Variants in EPHA5 observed in about 807,000 individuals in gnomAD.
EPHA5 encodes the protein EPH receptor A5.
EPHA5 carries 60 observed loss-of-function variants against 105.0 expected under a neutral mutation model. That is an observed-to-expected ratio of 0.57 (90% CI 0.46 to 0.71). EPHA5 has a LOEUF of 0.71. EPHA5 is among the 30% of genes least tolerant of loss of function. The probability of loss-of-function intolerance (pLI) is 0.00; values close to 1 mark genes in which losing one functional copy is unlikely to be tolerated. For missense variants in EPHA5, 1,218 were observed against 1,274.7 expected (o/e 0.96, Z 0.68); for synonymous variants, 513 against 449.1 (o/e 1.14, Z -1.80).
At chr4:65,348,701 A>G (rs1722488633) in intron 13 of EPHA5, among the ~76,000 whole-genome samples, 1 of 111,822 alleles carries the variant, frequency 8.9e-6, no homozygotes, top group Non-Finnish European at 1.8e-5. Context: ...TATATATAAA[A>G]TATATATGTG....
chr4:65,505,061 A>C (rs940384911), intron 3 of EPHA5, among the ~76,000 whole-genome samples: 2 of 152,050 alleles, frequency 1.3e-5, no homozygotes, highest in Non-Finnish European at 2.9e-5. Context: ...TATGTGCAAA[A>C]CATTTTAAGT....
intron 8 of EPHA5, among the ~76,000 whole-genome samples, chr4:65,386,127 G>A (rs914473465): frequency 2.0e-5 from 3 of 151,740 alleles, no homozygotes; most frequent in Non-Finnish European, 4.4e-5. Flanking sequence ...AAACACAAAA[G>A]TTGACACTTT....
intron 1 of EPHA5, among the ~76,000 whole-genome samples, chr4:65,652,369 G>A (rs2149530954): frequency 6.6e-6 from 1 of 152,238 alleles, no homozygotes; most frequent in African/African-American, 2.4e-5. Context: ...TGTAACATCA[G>A]TGACTGAAAC....
chr4:65,562,656 T>C (rs776498398), intron 3 of EPHA5, among the ~76,000 whole-genome samples: 3 of 152,076 alleles, frequency 2.0e-5, no homozygotes, highest in Admixed American at 6.6e-5. Flanking sequence ...CTTGACATTC[T>C]GAAAGTTAGT....
intron 6 of EPHA5, among the ~76,000 whole-genome samples, chr4:65,418,937 G>A (rs186505461): frequency 4.1e-5 from 5 of 121,292 alleles, no homozygotes; most frequent in South Asian, 2.7e-4. Flanking sequence ...AGACTGGAGT[G>A]CAATGGTGCG....
At chr4:65,530,344 A>G (rs1735647139) in intron 3 of EPHA5, among the ~76,000 whole-genome samples, 1 of 152,142 alleles carries the variant, frequency 6.6e-6, no homozygotes, top group South Asian at 2.1e-4. Context: ...AAAATAAGAC[A>G]AATAAACTTA....
intron 3 of EPHA5, among the ~76,000 whole-genome samples, chr4:65,529,903 A>G (rs1330165610): frequency 6.6e-6 from 1 of 152,130 alleles, no homozygotes; most frequent in Non-Finnish European, 1.5e-5. Flanking sequence ...TTAAAATAAT[A>G]TCGAAATTAT....
chr4:65,573,800 A>G (rs990672770), intron 3 of EPHA5: 2 of 1,613,848 alleles, frequency 1.2e-6, no homozygotes, highest in East Asian at 2.2e-5. Context: ...AAATGCCTAG[A>G]TATTATCCTA....
At chr4:65,640,430 C>A (rs961125308) in intron 2 of EPHA5, among the ~76,000 whole-genome samples, 2 of 151,900 alleles carry the variant, frequency 1.3e-5, no homozygotes, top group East Asian at 1.9e-4. Flanking sequence ...GGACTACAGG[C>A]GCCCACCACC....
chr4:65,326,806 AT>A (rs1174320818), intron 16 of EPHA5, among the ~76,000 whole-genome samples: 8 of 151,302 alleles, frequency 5.3e-5, no homozygotes, highest in African/African-American at 1.7e-4. Context: ...AAATTGCATA[AT>A]TCATGATTGC....
intron 11 of EPHA5, among the ~76,000 whole-genome samples, chr4:65,364,204 T>G (rs1476089006): frequency 6.6e-6 from 1 of 151,638 alleles, no homozygotes; most frequent in Non-Finnish European, 1.5e-5. Context: ...CTGAGCATGC[T>G]TCCTGGAGAT....
Position 65,670,186 on chromosome 4 carries a change from A to G in EPHA5, c.-444T>C. The G allele has an allele frequency of 4.1e-6, 1 of 242,846 alleles. No homozygotes were observed. Among genetic ancestry groups the G allele is most frequent in the Non-Finnish European group, 8.0e-6 (1 of 125,182 alleles). The allele number at this position is 242,846 out of a possible 1,614,324, so 15.0% of individuals were successfully genotyped here. On this transcript the variant is annotated 5_prime_UTR_variant, in exon 1 of 17. Transcript: ENST00000613740. ...GACGAAATCTCCGATTTTTTAAAAA[A>G]GGAGGAAAAAAGCAGGGTGGCTAAG...
chr4:65,388,251 T>C (rs1442968085), intron 8 of EPHA5, among the ~76,000 whole-genome samples: 3 of 151,242 alleles, frequency 2.0e-5, no homozygotes, highest in East Asian at 2.0e-4. Context: ...AAGTCTTTGC[T>C]ATTGTGAATA....
intron 11 of EPHA5, among the ~76,000 whole-genome samples, chr4:65,353,393 G>A (rs1336612200): frequency 2.0e-5 from 3 of 149,028 alleles, no homozygotes; most frequent in African/African-American, 7.4e-5. Context: ...ATTTAAAAAT[G>A]TCCTCTTTAA....
intron 3 of EPHA5, among the ~76,000 whole-genome samples, chr4:65,575,294 C>A (rs904464895): frequency 6.6e-6 from 1 of 152,126 alleles, no homozygotes; most frequent in Non-Finnish European, 1.5e-5. Context: ...TGGGCTCCCA[C>A]AAGCTGAGTG....
At chr4:65,542,914 C>T (rs1736986758) in intron 3 of EPHA5, among the ~76,000 whole-genome samples, 1 of 152,018 alleles carries the variant, frequency 6.6e-6, no homozygotes, top group South Asian at 2.1e-4. Flanking sequence ...AAGGCTGGTT[C>T]AATATATGCA....
At chr4:65,663,804 G>T (rs146076866) in intron 1 of EPHA5, among the ~76,000 whole-genome samples, 74 of 151,638 alleles carry the variant, frequency 4.9e-4, no homozygotes, top group African/African-American at 1.6e-3. Flanking sequence ...AATTCTATAG[G>T]GTCAAAAGAA....
intron 8 of EPHA5, among the ~76,000 whole-genome samples, chr4:65,389,749 A>G (rs1720516148): frequency 6.6e-6 from 1 of 152,008 alleles, no homozygotes; most frequent in Non-Finnish European, 1.5e-5. Context: ...GAACTATTGG[A>G]GGTAGGCAAG....
In EPHA5 at chr4:65,580,668, T is replaced by C. The variant is rs1175829456; in HGVS notation, c.910+20973A>G. 2.0e-5 allele frequency among the ~76,000 whole-genome samples: 3 copies of C among 151,844 alleles called. No homozygotes were observed. In the East Asian group the frequency reaches 5.8e-4, roughly 29 times the overall value. On this transcript the variant is annotated intron_variant, in intron 3 of 16. Coordinates refer to ENST00000613740, the MANE Select transcript of EPHA5 (RefSeq NM_001281766.3). ...TTCCCTATTTGACTAAAATTAGGAC[T>C]TAAATTTACAAAGATCTCCCTCCTC...
Sources: allele counts gnomAD v4.1 joint callset (sites outside exome capture counted in the v4.1 genomes callset), GRCh38; gene constraint gnomAD v4.1.1; transcripts MANE v1.5; gene names NCBI Gene and HGNC (gene_info 2026-07-23, HGNC 2026-07-21).